The following PRP4K variants were observed in gnomAD, a reference collection of about 807,000 sequenced individuals.
The protein encoded by PRP4K is pre-mRNA processing factor kinase PRP4K, also known as serine/threonine-protein kinase PRP4 homolog.
At chr6:4,023,937 G>A in the PRP4K span, among the ~76,000 whole-genome samples, 1 of 151,350 alleles carries the variant, frequency 6.6e-6, no homozygotes, top group Non-Finnish European at 1.5e-5. Flanking sequence ...TGCGATCTTG[G>A]CTCACTGAAA....
the PRP4K span, among the ~76,000 whole-genome samples, chr6:4,029,703 C>G: frequency 1.3e-5 from 2 of 151,892 alleles, no homozygotes; most frequent in East Asian, 3.9e-4. Context: ...TTTCTTCTTT[C>G]CTCCTAACAT....
At chr6:4,059,622 T>A in the PRP4K span, among the ~76,000 whole-genome samples, 1 of 139,910 alleles carries the variant, frequency 7.1e-6, no homozygotes, top group African/African-American at 2.7e-5. Context: ...TAAATTTTCA[T>A]TGCTAACTTG....
the PRP4K span, among the ~76,000 whole-genome samples, chr6:4,034,972 A>G: frequency 1.3e-5 from 2 of 152,008 alleles, no homozygotes; most frequent in Non-Finnish European, 2.9e-5. Flanking sequence ...CGGCCTCCCA[A>G]AGTGTTGGGA....
the PRP4K span, among the ~76,000 whole-genome samples, chr6:4,022,055 G>A: frequency 6.6e-6 from 1 of 150,966 alleles, no homozygotes; most frequent in South Asian, 2.1e-4. Context: ...CAGTCACCCA[G>A]TATTGTTTTG....
At chr6:4,050,523 T>A in the PRP4K span, 1 of 199,894 alleles carries the variant, frequency 5.0e-6, no homozygotes, top group Non-Finnish European at 1.0e-5. Context: ...AATGAAAGGA[T>A]CATGTTGATT....
the PRP4K span, among the ~76,000 whole-genome samples, chr6:4,028,601 T>G: frequency 2.0e-5 from 3 of 152,200 alleles, no homozygotes; most frequent in Non-Finnish European, 2.9e-5. Context: ...GTCATGTGTC[T>G]TCTCATACTC....
the PRP4K span, chr6:4,040,776 A>G: frequency 1.2e-5 from 19 of 1,613,062 alleles, no homozygotes; most frequent in Non-Finnish European, 1.5e-5. Flanking sequence ...AAATAGGGAC[A>G]GAGGTCGGAG....
the PRP4K span, among the ~76,000 whole-genome samples, chr6:4,028,894 C>A: frequency 1.3e-5 from 2 of 152,040 alleles, no homozygotes; most frequent in African/African-American, 4.8e-5. Context: ...GGCTAGACAA[C>A]GTACTTTTGC....
chr6:4,044,863 A>T, the PRP4K span, among the ~76,000 whole-genome samples: 26,122 of 132,040 alleles, frequency 0.2, 2,836 homozygotes, highest in Non-Finnish European at 0.24. Context: ...TATTATTATT[A>T]TTTTTTTTTT....
the PRP4K span, among the ~76,000 whole-genome samples, chr6:4,024,926 G>C: frequency 6.6e-6 from 1 of 152,116 alleles, no homozygotes; most frequent in African/African-American, 2.4e-5. Context: ...TTTTAAAGGC[G>C]TTCCACGATT....
the PRP4K span, among the ~76,000 whole-genome samples, chr6:4,055,552 G>A: frequency 6.6e-6 from 1 of 152,156 alleles, no homozygotes; most frequent in African/African-American, 2.4e-5. Context: ...CTCTTTTGAA[G>A]GGGGGAAGGG....
the PRP4K span, chr6:4,037,610 T>C: frequency 6.3e-7 from 1 of 1,581,240 alleles, no homozygotes; most frequent in Non-Finnish European, 8.6e-7. Flanking sequence ...AAACTCTGAA[T>C]GTTTTTGAAC....
chr6:4,044,423 G>T, the PRP4K span, among the ~76,000 whole-genome samples: 8 of 151,942 alleles, frequency 5.3e-5, no homozygotes, highest in Admixed American at 2.0e-4. Flanking sequence ...GGAAAGGCAG[G>T]GTAAATACAT....
chr6:4,060,457 G>A, the PRP4K span: 2 of 1,613,904 alleles, frequency 1.2e-6, no homozygotes, highest in African/African-American at 1.3e-5. This position sits in a 1 kb window ranked among gnomAD's most constrained non-coding sequence, Gnocchi z 4.7. Context: ...CTAAGGACCT[G>A]TTGGCTGACT....
the PRP4K span, among the ~76,000 whole-genome samples, chr6:4,022,149 C>A: frequency 8.1e-6 from 1 of 123,414 alleles, no homozygotes; most frequent in Non-Finnish European, 1.6e-5. Context: ...GTTTTGAGGC[C>A]TGGCATTTTT....
chr6:4,052,951 G>GCT, the PRP4K span: 2 of 1,293,596 alleles, frequency 1.5e-6, no homozygotes, highest in Non-Finnish European at 2.1e-6. Context: ...TTATTACTAT[G>GCT]AGAAACGACA....
chr6:4,033,850 T>G, the PRP4K span, among the ~76,000 whole-genome samples: 1 of 152,130 alleles, frequency 6.6e-6, no homozygotes, highest in East Asian at 1.9e-4. Flanking sequence ...TTCCTTTGGC[T>G]TCCTGGATTG....
At chr6:4,038,122 G>A in the PRP4K span, among the ~76,000 whole-genome samples, 286 of 151,874 alleles carry the variant, frequency 1.9e-3, no homozygotes, top group African/African-American at 6.6e-3. Flanking sequence ...GTATTTGTTT[G>A]CCAATCTTTT....
At chr6:4,041,760 A>G in the PRP4K span, among the ~76,000 whole-genome samples, 3 of 152,240 alleles carry the variant, frequency 2.0e-5, no homozygotes. Context: ...ACACACAAAA[A>G]GAACTATCCA....
Sources: gnomAD v4.1 joint callset for allele counts (sites outside exome capture counted in the v4.1 genomes callset) on GRCh38, gnomAD v4.1.1 for gene constraint, Gnocchi (gnomAD v3.1) non-coding constraint, MANE v1.5 for transcripts, NCBI Gene and HGNC (gene_info 2026-07-23, HGNC 2026-07-21) for gene names.